The following TSC22D1 variants were observed in gnomAD, a reference collection of about 807,000 sequenced individuals.
TSC22D1 encodes TSC22 domain family protein 1.
Under a neutral mutation model 74.2 loss-of-function variants are expected in TSC22D1, and 9 were observed. The ratio of observed to expected loss-of-function variants is 0.12; its 90% CI spans 0.07 to 0.21. TSC22D1 has a LOEUF of 0.21. TSC22D1 is among the 10% of genes least tolerant of loss of function. The pLI, the probability that TSC22D1 is intolerant of heterozygous loss-of-function variation, is 1.00. For synonymous variants in TSC22D1, 586 were observed against 492.5 expected (o/e 1.19, Z -2.51); for missense variants, 1,427 against 1,304.7 (o/e 1.09, Z -1.44).
At chr13:44,498,299 A>AAAACAAAC (rs146164939) in intron 1 of TSC22D1, among the ~76,000 whole-genome samples, 50 of 150,682 alleles carry the variant, frequency 3.3e-4, no homozygotes, top group East Asian at 2.4e-3. Flanking sequence ...TTCTGCCTCA[A>AAAACAAAC]AAACAAACAA....
At chr13:44,464,894 C>T (rs1239948592) in intron 1 of TSC22D1, among the ~76,000 whole-genome samples, 1 of 152,234 alleles carries the variant, frequency 6.6e-6, no homozygotes, top group Non-Finnish European at 1.5e-5. Flanking sequence ...GCACCTGCCA[C>T]CTCTGCTCTA....
Position 44,535,641 on chromosome 13 carries a change from CAAAA to C in TSC22D1, c.2912+37518_2912+37521del, listed in dbSNP as rs142929734. 5.3e-5 allele frequency among the ~76,000 whole-genome samples: 8 copies of C among 150,302 alleles called. No individual in the cohort carries two copies. In the East Asian group the frequency reaches 5.9e-4, roughly 11 times the overall value. On this transcript the variant is annotated intron_variant, in intron 1 of 2. Coordinates refer to ENST00000458659, the MANE Select transcript of TSC22D1 (RefSeq NM_183422.4). The stretch of plus-strand genomic sequence containing the variant: ...TACAAAAAACAAACAAACAAACAAA[CAAAA>C]AAAACCATTTGTTTCCTTACTAAAG...
intron 1 of TSC22D1, among the ~76,000 whole-genome samples, chr13:44,529,449 A>C (rs1880717316): frequency 6.6e-6 from 1 of 152,082 alleles, no homozygotes; most frequent in Admixed American, 6.5e-5. Context: ...AACAAAAAAA[A>C]ACCTACAGTG....
At chr13:44,567,150 CA>C (rs1883430263) in intron 1 of TSC22D1, among the ~76,000 whole-genome samples, 1 of 152,202 alleles carries the variant, frequency 6.6e-6, no homozygotes, top group Non-Finnish European at 1.5e-5. Flanking sequence ...GGGGATCCCC[CA>C]AAACCTTTCA....
chr13:44,439,084 A>AATGG (rs536386938), intron 1 of TSC22D1, among the ~76,000 whole-genome samples: 1 of 152,354 alleles, frequency 6.6e-6, no homozygotes, highest in South Asian at 2.1e-4. Flanking sequence ...TTTTTATTTC[A>AATGG]ATCATTTTAA....
chr13:44,536,961 A>AAAAAC (rs1881183063), intron 1 of TSC22D1: 1 of 942,004 alleles, frequency 1.1e-6, no homozygotes, highest in Admixed American at 8.1e-5. Flanking sequence ...AAAAAAAAAC[A>AAAAAC]AAAAAAACTA....
intron 1 of TSC22D1, among the ~76,000 whole-genome samples, chr13:44,554,630 C>CA (rs59922380): frequency 0.066 from 4,507 of 68,278 alleles, 97 homozygotes; most frequent in Middle Eastern, 0.14. Context: ...ATACCAGGAA[C>CA]AAAAAAAAAA....
chr13:44,457,503 C>G (rs1166418232), intron 1 of TSC22D1, among the ~76,000 whole-genome samples: 1 of 151,930 alleles, frequency 6.6e-6, no homozygotes, highest in Non-Finnish European at 1.5e-5. Context: ...ATGTTGTGGG[C>G]CTTCACAAAC....
intron 1 of TSC22D1, chr13:44,538,617 A>T: frequency 1.0e-6 from 1 of 985,406 alleles, no homozygotes; most frequent in Non-Finnish European, 1.2e-6. Context: ...TTTCATGGCC[A>T]TGTAAAATTC....
At chr13:44,534,548 TTTTC>T (rs1488910002) in intron 1 of TSC22D1, among the ~76,000 whole-genome samples, 1 of 152,062 alleles carries the variant, frequency 6.6e-6, no homozygotes, top group Non-Finnish European at 1.5e-5. Flanking sequence ...AATATTGCAT[TTTTC>T]TTTGTTTCTA....
rs1268997519 is a variant in TSC22D1, at chr13:44,432,904, A to G, written c.*1722T>C. On this transcript the variant is annotated 3_prime_UTR_variant, in exon 3 of 3. Coordinates refer to ENST00000458659, the MANE Select transcript of TSC22D1 (RefSeq NM_183422.4). ...GTGCCAGGGGCCAATCTGCCTCAGG[A>G]TTCCTTCGTGGTTTTAATTTTGGCC... 6.6e-6 allele frequency: 1 copy of G among 152,156 alleles called. No homozygotes were observed. Among genetic ancestry groups the G allele is most frequent in the Non-Finnish European group, 1.5e-5 (1 of 68,028 alleles). 9.4% of individuals were successfully genotyped at this position (152,156 alleles called of 1,614,324 possible).
chr13:44,553,425 G>GA (rs1326272796), intron 1 of TSC22D1, among the ~76,000 whole-genome samples: 1 of 151,524 alleles, frequency 6.6e-6, no homozygotes, highest in Non-Finnish European at 1.5e-5. Context: ...CCAGTTCAAT[G>GA]AATGTTTGAA....
intron 1 of TSC22D1, among the ~76,000 whole-genome samples, chr13:44,501,215 A>G (rs910174866): frequency 8.5e-5 from 13 of 152,190 alleles, no homozygotes; most frequent in African/African-American, 2.9e-4. Flanking sequence ...AAAACCCTGA[A>G]AGGCAACAGT....
chr13:44,435,526 G>A (rs894247579), intron 2 of TSC22D1, among the ~76,000 whole-genome samples: 1 of 152,184 alleles, frequency 6.6e-6, no homozygotes, highest in Non-Finnish European at 1.5e-5. Context: ...AAAAATAGGA[G>A]AAATCCAGGC....
chr13:44,502,555 T>C lies in TSC22D1; in HGVS notation c.2913-66460A>G, dbSNP rs147344743. On this transcript the variant is annotated intron_variant, in intron 1 of 2. Transcript: ENST00000458659. Reference sequence around the variant, plus strand: ...ACCACAAAACTGTTGTATTCATTCATACAACAAATGCTTAGCTCATTAGGG... The same window carrying C: ...ACCACAAAACTGTTGTATTCATTCACACAACAAATGCTTAGCTCATTAGGG... Among the ~76,000 whole-genome samples the C allele has an allele frequency of 2.3e-3, 350 of 152,290 alleles. 1 individual carries two copies. Among genetic ancestry groups the C allele is most frequent in the Non-Finnish European group, 3.8e-3 (259 of 68,022 alleles).
chr13:44,490,875 C>A (rs1486264894), intron 1 of TSC22D1, among the ~76,000 whole-genome samples: 1 of 150,442 alleles, frequency 6.6e-6, no homozygotes, highest in Non-Finnish European at 1.5e-5. Flanking sequence ...CCAGCCTGGG[C>A]AACAAGGCTG....
rs1309290106 is a variant in TSC22D1, at chr13:44,573,526, T to C, written c.2549A>G (p.Asn850Ser). ...GPSGMPSAPTNLVPPQNIAQT... is the reference protein window; with the variant it reads ...GPSGMPSAPTSLVPPQNIAQT... ...TGCTATATTTTGTGGTGGAACCAAG[T>C]TTGTTGGGGCAGAAGGCATTCCAGA... is the stretch of plus-strand genomic sequence containing the variant. Residue 850 changes from asparagine (N) to serine (S), a missense_variant, in exon 1 of 3, where the codon AAC (asparagine) becomes AGC (serine). By Grantham distance (46) the Asn-to-Ser change is conservative. Around this residue, in one of 3 missense-constraint regions of TSC22D1, gnomAD observed 1,343 missense variants for 1,191.5 expected, o/e 1.13. Coordinates refer to ENST00000458659, the MANE Select transcript of TSC22D1 (RefSeq NM_183422.4). The C allele has an allele frequency of 6.2e-7, 1 of 1,614,174 alleles. No individual in the cohort carries two copies. The highest frequency in any genetic ancestry group is 1.7e-5 in the Admixed American group (1 of 60,018).
intron 1 of TSC22D1, among the ~76,000 whole-genome samples, chr13:44,564,299 T>C (rs1883228267): frequency 6.6e-6 from 1 of 152,196 alleles, no homozygotes; most frequent in Admixed American, 6.5e-5. Context: ...TCCCCATTCC[T>C]ATTCAAGAAG....
At chr13:44,508,617 T>TTCTCCATCCAACA (rs1879546061) in intron 1 of TSC22D1, among the ~76,000 whole-genome samples, 1 of 152,198 alleles carries the variant, frequency 6.6e-6, no homozygotes, top group Non-Finnish European at 1.5e-5. Flanking sequence ...TAGACTATGT[T>TTCTCCATCCAACA]GCCCACCACC....
Sources: allele counts gnomAD v4.1 joint callset (sites outside exome capture counted in the v4.1 genomes callset), GRCh38; gene constraint gnomAD v4.1.1; regional missense constraint gnomAD v4.1.1; transcripts MANE v1.5; gene names NCBI Gene and HGNC (gene_info 2026-07-23, HGNC 2026-07-21).